Variants in GALNTL6 observed in about 807,000 individuals in gnomAD.
GALNTL6 encodes polypeptide N-acetylgalactosaminyltransferase-like 6.
Under a neutral mutation model 73.7 loss-of-function variants are expected in GALNTL6, and 46 were observed. The observed-to-expected ratio is 0.62, with a 90% CI of 0.49 to 0.80. The LOEUF (loss-of-function observed/expected upper bound fraction) is 0.80. GALNTL6 is among the 30% of genes least tolerant of loss of function. GALNTL6 has a pLI of 0.00. For missense variants in GALNTL6, 604 were observed against 755.0 expected, an observed-to-expected ratio of 0.80 and a Z score of 2.34; for synonymous variants, 259 against 263.7, an observed-to-expected ratio of 0.98 and a Z score of 0.17.
intron 2 of GALNTL6, among the ~76,000 whole-genome samples, chr4:172,046,854 G>A (rs1742235412): frequency 6.6e-6 from 1 of 152,042 alleles, no homozygotes; most frequent in African/African-American, 2.4e-5. Flanking sequence ...TCTTTGCAGT[G>A]CAGAAGCTTT....
At chr4:172,308,389 A>G (rs1740232087) in intron 3 of GALNTL6, among the ~76,000 whole-genome samples, 1 of 151,804 alleles carries the variant, frequency 6.6e-6, no homozygotes. Flanking sequence ...GAAAGTGGGC[A>G]TCCTTGTTTT....
intron 3 of GALNTL6, among the ~76,000 whole-genome samples, chr4:172,280,012 A>G (rs943700765): frequency 3.3e-5 from 5 of 152,150 alleles, no homozygotes; most frequent in Non-Finnish European, 5.9e-5. Flanking sequence ...CTCCACCTAT[A>G]TTACATATCT....
At chr4:172,759,705 G>T (rs1356944813) in intron 5 of GALNTL6, among the ~76,000 whole-genome samples, 1 of 151,632 alleles carries the variant, frequency 6.6e-6, no homozygotes, top group Non-Finnish European at 1.5e-5. Context: ...AGGTACACAG[G>T]AACTAGGGAA....
At chr4:172,732,447 C>A (rs1194039503) in intron 5 of GALNTL6, among the ~76,000 whole-genome samples, 1 of 152,052 alleles carries the variant, frequency 6.6e-6, no homozygotes, top group African/African-American at 2.4e-5. Context: ...TTTTTGAGGG[C>A]AGAATATAAT....
chr4:172,578,974 C>G (rs1484273707), intron 5 of GALNTL6, among the ~76,000 whole-genome samples: 1 of 152,186 alleles, frequency 6.6e-6, no homozygotes, highest in Non-Finnish European at 1.5e-5. Flanking sequence ...ATCAGGGAGG[C>G]TGCTGCTGAG....
At chr4:172,165,100 G>A (rs992863411) in intron 2 of GALNTL6, among the ~76,000 whole-genome samples, 5 of 152,064 alleles carry the variant, frequency 3.3e-5, no homozygotes, top group African/African-American at 1.2e-4. Context: ...AGGCATTAAT[G>A]ATTTGTGTTT....
At chr4:172,628,338 T>A (rs1239599240) in intron 5 of GALNTL6, among the ~76,000 whole-genome samples, 6 of 152,190 alleles carry the variant, frequency 3.9e-5, no homozygotes, top group Non-Finnish European at 8.8e-5. Flanking sequence ...CAAGCATACA[T>A]CTGAATGTAA....
At chr4:172,199,184 A>G (rs564075157) in intron 2 of GALNTL6, among the ~76,000 whole-genome samples, 22 of 152,324 alleles carry the variant, frequency 1.4e-4, no homozygotes, top group Non-Finnish European at 2.9e-4. Context: ...GAGCAAATAA[A>G]CAAATCTATT....
intron 3 of GALNTL6, among the ~76,000 whole-genome samples, chr4:172,261,860 A>G (rs937236123): frequency 2.0e-5 from 3 of 151,260 alleles, no homozygotes; most frequent in African/African-American, 7.3e-5. Context: ...GTTGACCCAA[A>G]GATCATTCGA....
At chr4:172,773,126 G>T (rs1307826871) in intron 5 of GALNTL6, among the ~76,000 whole-genome samples, 3 of 152,196 alleles carry the variant, frequency 2.0e-5, no homozygotes, top group African/African-American at 4.8e-5. Context: ...GCATCACTCC[G>T]TGTGATGAAA....
At chr4:172,630,770 T>A (rs536843432) in intron 5 of GALNTL6, among the ~76,000 whole-genome samples, 2 of 150,650 alleles carry the variant, frequency 1.3e-5, no homozygotes, top group African/African-American at 4.8e-5. Context: ...TATCTTGTTT[T>A]TATATAATTA....
chr4:172,998,626 C>G (rs745313969), intron 10 of GALNTL6, among the ~76,000 whole-genome samples: 1 of 152,092 alleles, frequency 6.6e-6, no homozygotes, highest in African/African-American at 2.4e-5. Flanking sequence ...TTTGAAAGGT[C>G]TCTGGTGACT....
chr4:172,428,868 TTTGGACA>T (rs1483540574), intron 5 of GALNTL6, among the ~76,000 whole-genome samples: 1 of 152,196 alleles, frequency 6.6e-6, no homozygotes, highest in East Asian at 1.9e-4. Context: ...GGTCTGACTC[TTTGGACA>T]TTGCCTTAGT....
intron 5 of GALNTL6, among the ~76,000 whole-genome samples, chr4:172,525,842 G>A (rs1442162233): frequency 6.6e-6 from 1 of 152,166 alleles, no homozygotes; most frequent in Non-Finnish European, 1.5e-5. Context: ...CAGCCTGGGT[G>A]ACAGAGCAAG....
intron 12 of GALNTL6, among the ~76,000 whole-genome samples, chr4:173,026,643 C>A (rs982887440): frequency 6.6e-6 from 1 of 152,110 alleles, no homozygotes; most frequent in Non-Finnish European, 1.5e-5. Flanking sequence ...TGTTTGTTAG[C>A]CATTTTGGAT....
intron 5 of GALNTL6, among the ~76,000 whole-genome samples, chr4:172,560,174 T>G (rs1233305147): frequency 6.6e-6 from 1 of 152,058 alleles, no homozygotes; most frequent in Non-Finnish European, 1.5e-5. Context: ...AACTCTTAGT[T>G]TAAAAGAAGC....
intron 2 of GALNTL6, among the ~76,000 whole-genome samples, chr4:171,952,948 A>G (rs1184404945): frequency 1.3e-5 from 2 of 152,190 alleles, no homozygotes; most frequent in Non-Finnish European, 2.9e-5. Flanking sequence ...AATTAATAAC[A>G]TCATTTAGCA....
intron 5 of GALNTL6, among the ~76,000 whole-genome samples, chr4:172,607,988 A>G (rs1366435665): frequency 2.0e-5 from 3 of 151,870 alleles, no homozygotes; most frequent in Admixed American, 2.0e-4. Context: ...ATATTTATTA[A>G]TTTTTTCAAA....
intron 3 of GALNTL6, among the ~76,000 whole-genome samples, chr4:172,244,202 A>G (rs980101946): frequency 6.6e-6 from 1 of 152,156 alleles, no homozygotes; most frequent in East Asian, 1.9e-4. Flanking sequence ...TCATTGCATA[A>G]TAATGAAAAT....
Sources: gnomAD v4.1 joint callset for allele counts (sites outside exome capture counted in the v4.1 genomes callset) on GRCh38, gnomAD v4.1.1 for gene constraint, MANE v1.5 for transcripts, NCBI Gene and HGNC (gene_info 2026-07-23, HGNC 2026-07-21) for gene names.